Variants in AGBL1 observed in about 807,000 individuals in gnomAD.
AGBL1 encodes the protein AGBL carboxypeptidase 1.
Under a neutral mutation model 118.9 loss-of-function variants are expected in AGBL1, and 130 were observed. The ratio of observed to expected loss-of-function variants is 1.09; its 90% CI spans 0.95 to 1.26. The LOEUF (loss-of-function observed/expected upper bound fraction) is 1.26. Ranked by LOEUF, AGBL1 falls within the 50% of genes most tolerant of loss-of-function variation. The probability of loss-of-function intolerance (pLI) is 0.00; values close to 1 mark genes in which losing one functional copy is unlikely to be tolerated. For synonymous variants in AGBL1, 555 were observed against 478.9 expected (o/e 1.16, Z -2.08); for missense variants, 1,584 against 1,298.1 (o/e 1.22, Z -3.38).
intron 21 of AGBL1, among the ~76,000 whole-genome samples, chr15:86,629,027 C>T (rs1024130686): frequency 1.9e-4 from 29 of 152,130 alleles, no homozygotes; most frequent in African/African-American, 5.8e-4. Context: ...CAGCAAATTT[C>T]GAGTATACCA....
chr15:86,462,437 A>T (rs7175095), intron 18 of AGBL1, among the ~76,000 whole-genome samples: 25,498 of 150,580 alleles, frequency 0.17, 2,674 homozygotes, highest in African/African-American at 0.29. Flanking sequence ...TCTTTTTTTT[A>T]AAAAAAAACA....
chr15:86,772,636 T>C (rs1399782614), intron 22 of AGBL1, among the ~76,000 whole-genome samples: 3 of 151,896 alleles, frequency 2.0e-5, no homozygotes, highest in East Asian at 3.9e-4. Flanking sequence ...CAATATTTAA[T>C]GGCCAAATAG....
chr15:86,516,553 A>G (rs1040469211), intron 18 of AGBL1, among the ~76,000 whole-genome samples: 3 of 152,222 alleles, frequency 2.0e-5, no homozygotes, highest in African/African-American at 7.2e-5. Context: ...TCATCCCAGC[A>G]CTTTGGAAGG....
intron 21 of AGBL1, among the ~76,000 whole-genome samples, chr15:86,588,371 A>T (rs371389321): frequency 6.6e-6 from 1 of 152,138 alleles, no homozygotes; most frequent in Non-Finnish European, 1.5e-5. Context: ...GCCAGTAGTA[A>T]TTCTACTGTC....
chr15:86,433,351 T>C (rs1374745568), intron 18 of AGBL1, among the ~76,000 whole-genome samples: 2 of 140,940 alleles, frequency 1.4e-5, no homozygotes, highest in Non-Finnish European at 3.0e-5. Flanking sequence ...ACCAGGATGA[T>C]TGCATCATTC....
intron 21 of AGBL1, among the ~76,000 whole-genome samples, chr15:86,634,321 G>A (rs942039771): frequency 1.3e-5 from 2 of 152,144 alleles, no homozygotes; most frequent in South Asian, 2.1e-4. Context: ...CCCAAAGCCG[G>A]ATAACTGATG....
intron 18 of AGBL1, among the ~76,000 whole-genome samples, chr15:86,439,742 C>T (rs1461206669): frequency 6.6e-6 from 1 of 152,176 alleles, no homozygotes; most frequent in Non-Finnish European, 1.5e-5. Flanking sequence ...CAATTAAATA[C>T]ATTTACTTGA....
chr15:86,745,915 C>A (rs2077749896), intron 22 of AGBL1, among the ~76,000 whole-genome samples: 1 of 152,050 alleles, frequency 6.6e-6, no homozygotes, highest in Non-Finnish European at 1.5e-5. Context: ...ACCATGGGCA[C>A]CAGAGCACAT....
At chr15:87,016,194 C>A (rs1483052381) in intron 24 of AGBL1, among the ~76,000 whole-genome samples, 6 of 152,030 alleles carry the variant, frequency 3.9e-5, no homozygotes, top group African/African-American at 1.4e-4. Flanking sequence ...TAAGGAGAAT[C>A]TGACCCACTG....
intron 5 of AGBL1, among the ~76,000 whole-genome samples, chr15:86,199,207 A>T (rs1036135436): frequency 6.6e-6 from 1 of 152,104 alleles, no homozygotes; most frequent in Non-Finnish European, 1.5e-5. Context: ...TATAAAGGTT[A>T]TATAGATAGA....
At chr15:86,561,984 T>G (rs1255913525) in intron 21 of AGBL1, among the ~76,000 whole-genome samples, 1 of 152,174 alleles carries the variant, frequency 6.6e-6, no homozygotes, top group Non-Finnish European at 1.5e-5. Context: ...AGAATGCTTG[T>G]GATTTTTGCA....
chr15:86,284,545 C>T (rs1310274197), intron 16 of AGBL1, among the ~76,000 whole-genome samples: 4 of 152,160 alleles, frequency 2.6e-5, no homozygotes, highest in African/African-American at 4.8e-5. Flanking sequence ...ATTTGTTCTT[C>T]TCTTGTGATA....
intron 22 of AGBL1, among the ~76,000 whole-genome samples, chr15:86,792,791 A>G (rs1437174379): frequency 1.3e-5 from 2 of 152,164 alleles, no homozygotes; most frequent in Non-Finnish European, 1.5e-5. Flanking sequence ...TTTTAAAAAT[A>G]TAAGAGAAAA....
At chr15:87,015,397 C>T (rs2081599689) in intron 24 of AGBL1, among the ~76,000 whole-genome samples, 4 of 152,064 alleles carry the variant, frequency 2.6e-5, no homozygotes, top group Admixed American at 2.6e-4. Flanking sequence ...GTCTATCTAT[C>T]TACCTATTTT....
chr15:86,084,071 T>C (rs546198024), intron 1 of AGBL1, among the ~76,000 whole-genome samples: 3 of 152,318 alleles, frequency 2.0e-5, no homozygotes, highest in African/African-American at 7.2e-5. Context: ...ACTGTCTTAA[T>C]TTCAAGCATT....
chr15:86,562,138 C>T (rs1376206791), intron 21 of AGBL1, among the ~76,000 whole-genome samples: 1 of 152,118 alleles, frequency 6.6e-6, no homozygotes, highest in African/African-American at 2.4e-5. Context: ...TAATGGAATA[C>T]CCTTTATTTC....
Position 86,226,918 on chromosome 15 carries a change from A to G in AGBL1, c.526+1967A>G, listed in dbSNP as rs1766500943. Among the ~76,000 whole-genome samples the G allele has an allele frequency of 2.6e-5, 4 of 152,222 alleles. No homozygotes were observed. The South Asian group carries it at 8.3e-4, about 32-fold the overall frequency. On this transcript the variant is annotated intron_variant, in intron 6 of 22. Coordinates refer to ENST00000614907, the MANE Select transcript of AGBL1 (RefSeq NM_001386094.1). ...TGTCTGTCTCTTCCAGCAGACTGCA[A>G]GCTTTTGAGGGAGAGAGTCATCTGT...
At chr15:86,144,923 G>A (rs1465032830) in intron 3 of AGBL1, among the ~76,000 whole-genome samples, 1 of 152,208 alleles carries the variant, frequency 6.6e-6, no homozygotes, top group Non-Finnish European at 1.5e-5. Flanking sequence ...CTGTTAGGAG[G>A]TCAGAAGTCC....
At chr15:87,005,853 G>A (rs2081494381) in intron 24 of AGBL1, among the ~76,000 whole-genome samples, 1 of 152,148 alleles carries the variant, frequency 6.6e-6, no homozygotes, top group African/African-American at 2.4e-5. Context: ...TGATGATAGT[G>A]ACATACAGAT....
Sources: allele counts gnomAD v4.1 joint callset (sites outside exome capture counted in the v4.1 genomes callset), GRCh38; gene constraint gnomAD v4.1.1; transcripts MANE v1.5; gene names NCBI Gene and HGNC (gene_info 2026-07-23, HGNC 2026-07-21).